Variants in DSCAM observed in about 807,000 individuals in gnomAD.
DSCAM encodes the protein DS cell adhesion molecule.
A neutral mutation model predicts 217.7 loss-of-function variants in DSCAM; 47 were observed. The observed-to-expected ratio is 0.22, with a 90% CI of 0.17 to 0.28. The LOEUF is 0.28. Ranked by LOEUF, DSCAM falls within the 10% of genes least tolerant of loss-of-function variation. The pLI, the probability that DSCAM is intolerant of heterozygous loss-of-function variation, is 1.00. For synonymous variants in DSCAM, 1,056 were observed against 1,015.3 expected (o/e 1.04, Z -0.76); for missense variants, 2,080 against 2,618.3 (o/e 0.79, Z 4.49).
intron 9 of DSCAM, among the ~76,000 whole-genome samples, chr21:40,307,651 C>T (rs1348698977): frequency 6.6e-6 from 1 of 152,154 alleles, no homozygotes; most frequent in Non-Finnish European, 1.5e-5. Context: ...TATTGAGGCA[C>T]TATTCACAAT....
chr21:40,519,820 G>A (rs1465171120), intron 3 of DSCAM, among the ~76,000 whole-genome samples: 1 of 149,684 alleles, frequency 6.7e-6, no homozygotes, highest in East Asian at 2.0e-4. Context: ...ATTTCTTTAA[G>A]TCTCTGTCTC....
At chr21:40,508,738 TATATATATATATATATATATATA>T (rs2076229156) in intron 3 of DSCAM, among the ~76,000 whole-genome samples, 1 of 17,286 alleles carries the variant, frequency 5.8e-5, no homozygotes, top group African/African-American at 3.4e-4. Flanking sequence ...CCGGCAAATA[TATATATATATATATATATATATA>T]TATATATATA....
chr21:40,088,042 T>G (rs575773676), intron 21 of DSCAM, among the ~76,000 whole-genome samples: 1 of 152,298 alleles, frequency 6.6e-6, no homozygotes, highest in Admixed American at 6.5e-5. Flanking sequence ...CACACACAAG[T>G]CTTCCAGAGG....
At chr21:40,071,705 A>C (rs537142633) in intron 27 of DSCAM, among the ~76,000 whole-genome samples, 12 of 152,258 alleles carry the variant, frequency 7.9e-5, no homozygotes, top group Non-Finnish European at 1.5e-4. Context: ...TAATTTTGAC[A>C]ATCAAAATAT....
intron 16 of DSCAM, among the ~76,000 whole-genome samples, chr21:40,145,089 T>C (rs1351688967): frequency 6.6e-6 from 1 of 152,204 alleles, no homozygotes; most frequent in Non-Finnish European, 1.5e-5. Flanking sequence ...CTTGTCTAAC[T>C]GGCGAGAAAG....
intron 3 of DSCAM, among the ~76,000 whole-genome samples, chr21:40,396,554 G>A (rs73359119): frequency 2.4e-3 from 359 of 152,216 alleles, no homozygotes; most frequent in African/African-American, 8.2e-3. Flanking sequence ...TGCCCACCAG[G>A]AACGGAACAC....
intron 1 of DSCAM, among the ~76,000 whole-genome samples, chr21:40,776,722 C>T (rs976984308): frequency 2.0e-5 from 3 of 152,108 alleles, no homozygotes; most frequent in Non-Finnish European, 2.9e-5. Context: ...TGGGGACCAA[C>T]GTAAGGATCC....
chr21:40,460,624 T>A (rs1407857881), intron 3 of DSCAM, among the ~76,000 whole-genome samples: 1 of 152,058 alleles, frequency 6.6e-6, no homozygotes, highest in Non-Finnish European at 1.5e-5. Context: ...AAGAAAAAAA[T>A]CAACCACCCA....
intron 1 of DSCAM, among the ~76,000 whole-genome samples, chr21:40,824,466 G>A (rs1201728324): frequency 2.1e-5 from 3 of 145,960 alleles, no homozygotes; most frequent in Admixed American, 6.9e-5. Context: ...CTGGAGTGCA[G>A]TGGCACAAAC....
rs556761161 is a variant in DSCAM, at chr21:40,338,029, T to G, written c.1783+72A>C. 2.2e-5 allele frequency: 34 copies of G among 1,566,604 alleles called. No homozygotes were observed. The South Asian group carries it at 3.9e-4, about 18-fold the overall frequency. ...ATAAGCAGATCTTGGATTACCCGAC[T>G]TCAAATCATTGGTCTGGGAAGTAGT... On this transcript the variant is annotated intron_variant, in intron 8 of 32. Transcript: ENST00000400454.
At chr21:40,532,461 AC>A (rs374655563) in intron 3 of DSCAM, among the ~76,000 whole-genome samples, 48 of 152,310 alleles carry the variant, frequency 3.2e-4, no homozygotes, top group African/African-American at 1.1e-3. Flanking sequence ...AAAAAACAAC[AC>A]ATAAATAAGC....
intron 4 of DSCAM, among the ~76,000 whole-genome samples, chr21:40,359,035 A>C (rs1373478456): frequency 2.6e-5 from 4 of 152,188 alleles, no homozygotes; most frequent in Non-Finnish European, 5.9e-5. Flanking sequence ...AAAGATGCTC[A>C]ATATTACTAG....
At chr21:40,021,365 T>A (rs1389461264) in intron 32 of DSCAM, among the ~76,000 whole-genome samples, 1 of 151,688 alleles carries the variant, frequency 6.6e-6, no homozygotes, top group African/African-American at 2.4e-5. Context: ...ACCAGAAAGG[T>A]GAGTACTATG....
At chr21:40,674,551 A>G (rs2090313643) in intron 3 of DSCAM, among the ~76,000 whole-genome samples, 1 of 152,008 alleles carries the variant, frequency 6.6e-6, no homozygotes, top group South Asian at 2.1e-4. Context: ...AATTCAGGCT[A>G]CAACCTCACC....
intron 1 of DSCAM, among the ~76,000 whole-genome samples, chr21:40,808,079 A>T (rs768214927): frequency 1.6e-4 from 24 of 152,168 alleles, no homozygotes; most frequent in Non-Finnish European, 2.8e-4. Context: ...TCCTCCCCAA[A>T]GACATCACTC....
chr21:40,473,873 G>A (rs1388558211), intron 3 of DSCAM, among the ~76,000 whole-genome samples: 1 of 152,152 alleles, frequency 6.6e-6, no homozygotes, highest in Non-Finnish European at 1.5e-5. Flanking sequence ...GAACCACCCT[G>A]CTGATAGCTT....
rs534167745 is a variant in DSCAM at position 40,038,933 on chromosome 21, C to T, written c.5686+3438G>A. Among the ~76,000 whole-genome samples the T allele has an allele frequency of 4.7e-3, 696 of 148,328 alleles. 11 individuals carry two copies. The highest frequency in any genetic ancestry group is 0.029 in the South Asian group (136 of 4,646). On this transcript the variant is annotated intron_variant, in intron 32 of 32. Transcript: ENST00000400454. ...ATCGCAAGAACAAAAAACCAAACGC[C>T]GCATATTCTCACTCATAGGTGGGAA...
In DSCAM at chr21:40,181,191, T is replaced by C. The variant is rs150725415; in HGVS notation, c.2780-2097A>G. ...TGTGTTTTACGCCTAAGAACTTTTTTATTGGGTCAATGGTGCATTCTTCCT... is the reference window on the plus strand; with the variant it reads ...TGTGTTTTACGCCTAAGAACTTTTTCATTGGGTCAATGGTGCATTCTTCCT... On this transcript the variant is annotated intron_variant, in intron 14 of 32. Coordinates refer to ENST00000400454, the MANE Select transcript of DSCAM (RefSeq NM_001389.5). Among the ~76,000 whole-genome samples the C allele has an allele frequency of 2.7e-3, 402 of 151,184 alleles. 1 individual carries two copies. Among genetic ancestry groups the C allele is most frequent in the African/African-American group, 9.5e-3 (390 of 41,012 alleles).
chr21:40,417,907 G>A (rs1434085077), intron 3 of DSCAM, among the ~76,000 whole-genome samples: 1 of 152,164 alleles, frequency 6.6e-6, no homozygotes, highest in African/African-American at 2.4e-5. Context: ...TGATCCTCAT[G>A]TATAAACGGG....
Sources: gnomAD v4.1 joint callset for allele counts (sites outside exome capture counted in the v4.1 genomes callset) on GRCh38, gnomAD v4.1.1 for gene constraint, MANE v1.5 for transcripts, NCBI Gene and HGNC (gene_info 2026-07-23, HGNC 2026-07-21) for gene names.